Variants in LRRC69 observed in about 807,000 individuals in gnomAD.
LRRC69 encodes the protein leucine rich repeat containing 69.
LRRC69 carries 42 observed loss-of-function variants against 37.8 expected under a neutral mutation model. That is an observed-to-expected ratio of 1.11 (90% CI 0.87 to 1.44). The LOEUF is 1.44. LRRC69 is among the 40% of genes most tolerant of loss of function. The pLI, the probability that LRRC69 is intolerant of heterozygous loss-of-function variation, is 0.00. For missense variants in LRRC69, 357 were observed against 401.9 expected, an observed-to-expected ratio of 0.89 and a Z score of 0.96; for synonymous variants, 141 against 143.1, an observed-to-expected ratio of 0.99 and a Z score of 0.11.
chr8:91,168,952 C>T (rs1045510113), intron 5 of LRRC69, among the ~76,000 whole-genome samples: 3 of 151,732 alleles, frequency 2.0e-5, no homozygotes. Context: ...TGAGTGATTC[C>T]AGAGTCAAAT....
chr8:91,177,554 T>C (rs757330097), intron 5 of LRRC69, among the ~76,000 whole-genome samples: 1 of 152,158 alleles, frequency 6.6e-6, no homozygotes. Context: ...TTGCTGCCAA[T>C]AGTATTAGGC....
At chr8:91,169,778 G>GT (rs1344950045) in intron 5 of LRRC69, among the ~76,000 whole-genome samples, 2 of 135,318 alleles carry the variant, frequency 1.5e-5, no homozygotes, top group African/African-American at 5.9e-5. Context: ...GCAGTGTTTG[G>GT]TTTTTTGTTC....
chr8:91,182,031 C>T (rs1809334017), intron 5 of LRRC69, among the ~76,000 whole-genome samples: 1 of 152,136 alleles, frequency 6.6e-6, no homozygotes. Flanking sequence ...TTTTTCTTCA[C>T]ATCAGGGGGC....
chr8:91,149,366 G>C (rs958627982), intron 5 of LRRC69, among the ~76,000 whole-genome samples: 7 of 151,806 alleles, frequency 4.6e-5, no homozygotes, highest in Admixed American at 1.3e-4. Flanking sequence ...TCTTGTTTTT[G>C]TCAGGTTTGT....
chr8:91,170,393 A>G (rs970182097), intron 5 of LRRC69, among the ~76,000 whole-genome samples: 8 of 149,386 alleles, frequency 5.4e-5, no homozygotes, highest in Non-Finnish European at 8.9e-5. Flanking sequence ...ACAGAATTGG[A>G]AAAAACTACT....
At chr8:91,105,644 A>G (rs1448883854) in intron 1 of LRRC69, among the ~76,000 whole-genome samples, 1 of 143,954 alleles carries the variant, frequency 6.9e-6, no homozygotes, top group African/African-American at 2.6e-5. Context: ...CCTGGGCTGC[A>G]GAGTGATTCT....
chr8:91,210,555 A>C (rs1809891779), intron 7 of LRRC69, among the ~76,000 whole-genome samples: 1 of 99,690 alleles, frequency 1.0e-5, no homozygotes, highest in Non-Finnish European at 2.2e-5. Flanking sequence ...AGACACACAC[A>C]CACACAGACA....
chr8:91,147,622 T>A (rs930096240), intron 5 of LRRC69, among the ~76,000 whole-genome samples: 1 of 151,788 alleles, frequency 6.6e-6, no homozygotes, highest in Admixed American at 6.6e-5. Context: ...TTCTGTTTTT[T>A]CTTTTGAAAT....
At chr8:91,192,753 G>T (rs900750072) in intron 6 of LRRC69, among the ~76,000 whole-genome samples, 2 of 151,304 alleles carry the variant, frequency 1.3e-5, no homozygotes, top group African/African-American at 4.8e-5. Context: ...TTAGCCCTTT[G>T]TTAGATGAGT....
chr8:91,131,312 A>C (rs1813805592), intron 3 of LRRC69, among the ~76,000 whole-genome samples: 1 of 150,878 alleles, frequency 6.6e-6, no homozygotes, highest in East Asian at 1.9e-4. Context: ...GGGCTCAAGC[A>C]ATCCTTCCAC....
Position 91,124,588 on chromosome 8 carries a change from TA to T in LRRC69, c.280del (p.Arg94GlyfsTer16). On this transcript the variant is annotated frameshift_variant, in exon 2 of 8. Transcript: ENST00000448384. LOFTEE classifies it high-confidence loss of function. ...TGAAGAATCTCCATTTATCTGGAAA[TA>T]GGATCTGTAGATTTGCACCTGGAGC... is the stretch of plus-strand genomic sequence containing the variant. The T allele has an allele frequency of 6.5e-7, 1 of 1,540,778 alleles. No homozygotes were observed. Among genetic ancestry groups the T allele is most frequent in the Non-Finnish European group, 8.7e-7 (1 of 1,143,268 alleles).
intron 5 of LRRC69, chr8:91,157,738 T>C: frequency 6.2e-7 from 1 of 1,606,520 alleles, no homozygotes; most frequent in Non-Finnish European, 8.5e-7. Flanking sequence ...GGTGGCAGTC[T>C]GAGGATTCCA....
intron 7 of LRRC69, among the ~76,000 whole-genome samples, chr8:91,208,090 A>C (rs973835296): frequency 6.6e-6 from 1 of 152,092 alleles, no homozygotes; most frequent in African/African-American, 2.4e-5. Context: ...ATTAGAGCTC[A>C]CTTTATTTGA....
At chr8:91,212,011 A>G (rs759326147) in intron 7 of LRRC69, among the ~76,000 whole-genome samples, 5 of 152,164 alleles carry the variant, frequency 3.3e-5, no homozygotes, top group African/African-American at 7.2e-5. Flanking sequence ...TCAAATATCA[A>G]TCTTGATCAT....
Position 91,171,106 on chromosome 8 carries a change from A to G in LRRC69, c.652-18416A>G, listed in dbSNP as rs74693524. ...AGTGGGTGTATATAATTTTTTTAAAATAGTCAATTCTGAGGCTCTAAGGAA... is the reference window on the plus strand; with the variant it reads ...AGTGGGTGTATATAATTTTTTTAAAGTAGTCAATTCTGAGGCTCTAAGGAA... On this transcript the variant is annotated intron_variant, in intron 5 of 7. Transcript: ENST00000448384. Among the ~76,000 whole-genome samples, 2,232 of 152,140 alleles carry G rather than the reference A, an allele frequency of 0.015. 134 individuals carry two copies. The East Asian group carries it at 0.21, about 14-fold the overall frequency.
intron 5 of LRRC69, among the ~76,000 whole-genome samples, chr8:91,155,517 G>A (rs950015794): frequency 6.6e-6 from 1 of 150,690 alleles, no homozygotes; most frequent in Non-Finnish European, 1.5e-5. Flanking sequence ...TCATCTATTT[G>A]AAAACATACA....
chr8:91,162,597 G>T (rs541540790), intron 5 of LRRC69, among the ~76,000 whole-genome samples: 1 of 151,056 alleles, frequency 6.6e-6, no homozygotes, highest in African/African-American at 2.4e-5. Flanking sequence ...TTTTCCATTT[G>T]TATGGAACAT....
At chr8:91,215,706 C>T (rs975676880) in intron 7 of LRRC69, among the ~76,000 whole-genome samples, 1 of 152,114 alleles carries the variant, frequency 6.6e-6, no homozygotes, top group Non-Finnish European at 1.5e-5. Flanking sequence ...CTTGGCTTGA[C>T]AGAAAGGATA....
intron 5 of LRRC69, among the ~76,000 whole-genome samples, chr8:91,139,441 A>G (rs1808492494): frequency 6.6e-6 from 1 of 151,674 alleles, no homozygotes; most frequent in South Asian, 2.1e-4. Flanking sequence ...ACTCCCAGCT[A>G]ATTTTGTATT....
Sources: gnomAD v4.1 joint callset for allele counts (sites outside exome capture counted in the v4.1 genomes callset) on GRCh38, gnomAD v4.1.1 for gene constraint, MANE v1.5 for transcripts, NCBI Gene and HGNC (gene_info 2026-07-23, HGNC 2026-07-21) for gene names.